PLXDC2: variants seen among roughly 807,000 people sequenced by gnomAD.
The protein encoded by PLXDC2 is plexin domain containing 2, also known as plexin domain-containing protein 2.
Under a neutral mutation model 68.9 loss-of-function variants are expected in PLXDC2, and 40 were observed. The observed-to-expected ratio is 0.58, with a 90% CI of 0.45 to 0.76. The LOEUF is 0.76. PLXDC2 is among the 30% of genes least tolerant of loss of function. The pLI is 0.00. For missense variants in PLXDC2, 644 were observed against 661.9 expected (o/e 0.97, Z 0.30); for synonymous variants, 243 against 234.2 (o/e 1.04, Z -0.34).
At chr10:20,080,181 C>T (rs1407871205) in intron 4 of PLXDC2, among the ~76,000 whole-genome samples, 4 of 152,030 alleles carry the variant, frequency 2.6e-5, no homozygotes, top group South Asian at 4.2e-4. Context: ...CTCATTCTAT[C>T]GAGAAAAAGC....
chr10:20,120,698 G>A (rs1222042655), intron 4 of PLXDC2, among the ~76,000 whole-genome samples: 8 of 152,238 alleles, frequency 5.3e-5, no homozygotes, highest in Middle Eastern at 3.4e-3. Flanking sequence ...CCTGGGTGGG[G>A]GCAAATCCTC....
At chr10:20,176,428 C>T (rs1403560911) in intron 7 of PLXDC2, among the ~76,000 whole-genome samples, 1 of 149,830 alleles carries the variant, frequency 6.7e-6, no homozygotes, top group Non-Finnish European at 1.5e-5. Flanking sequence ...GTCGTGAGAA[C>T]ACTTAAAAAT....
rs377720019 is a variant in PLXDC2, at chr10:20,083,363, G to C, written c.541+15124G>C. 9.9e-5 allele frequency among the ~76,000 whole-genome samples: 15 copies of C among 151,794 alleles called. No homozygotes were observed. In the East Asian group the frequency reaches 2.9e-3, roughly 30 times the overall value. On this transcript the variant is annotated intron_variant, in intron 4 of 13. Transcript: ENST00000377252. Reference sequence around the variant, plus strand: ...GAGGTGGCATGCGCCTGTAGTCCCAGCTACTCGGGAAGCTGAGGCAGGAGA... The same window carrying C: ...GAGGTGGCATGCGCCTGTAGTCCCACCTACTCGGGAAGCTGAGGCAGGAGA...
intron 1 of PLXDC2, among the ~76,000 whole-genome samples, chr10:19,912,161 G>T (rs1345681536): frequency 1.3e-5 from 2 of 152,190 alleles, no homozygotes; most frequent in Non-Finnish European, 2.9e-5. Context: ...TAGTCTGAGT[G>T]TACAGAGCTA....
intron 1 of PLXDC2, among the ~76,000 whole-genome samples, chr10:19,859,370 G>T (rs16919448): frequency 0.091 from 13,859 of 152,152 alleles, 678 homozygotes; most frequent in Non-Finnish European, 0.098. Flanking sequence ...GGCATTAAAT[G>T]CTTTACATCC....
chr10:20,224,691 A>G (rs1439574331), intron 12 of PLXDC2, among the ~76,000 whole-genome samples: 1 of 152,206 alleles, frequency 6.6e-6, no homozygotes, highest in Non-Finnish European at 1.5e-5. Flanking sequence ...CAGATGTTAA[A>G]ATTATTTCAA....
chr10:20,081,393 A>T (rs1311818253), intron 4 of PLXDC2, among the ~76,000 whole-genome samples: 2 of 147,298 alleles, frequency 1.4e-5, no homozygotes, highest in African/African-American at 5.0e-5. Context: ...GAAACTTCTA[A>T]TATTGAAATG....
intron 2 of PLXDC2, among the ~76,000 whole-genome samples, chr10:20,043,986 T>TA (rs1185469718): frequency 6.6e-6 from 1 of 152,116 alleles, no homozygotes. Context: ...GACCATAACC[T>TA]AATTCAAGGT....
At chr10:19,820,000 A>G (rs934428343) in intron 1 of PLXDC2, among the ~76,000 whole-genome samples, 1 of 152,220 alleles carries the variant, frequency 6.6e-6, no homozygotes, top group Non-Finnish European at 1.5e-5. Flanking sequence ...ACTTGAGGCT[A>G]CCTGCAAAAT....
intron 1 of PLXDC2, among the ~76,000 whole-genome samples, chr10:19,971,785 G>A (rs1834358288): frequency 1.3e-5 from 2 of 152,218 alleles, no homozygotes; most frequent in Middle Eastern, 3.4e-3. Flanking sequence ...ATAACAAGCT[G>A]GGATTATAAC....
intron 1 of PLXDC2, among the ~76,000 whole-genome samples, chr10:19,828,130 G>A (rs946104677): frequency 7.2e-5 from 11 of 152,124 alleles, no homozygotes; most frequent in South Asian, 2.1e-4. Flanking sequence ...TGATATTTTC[G>A]CAATGTGCCT....
intron 2 of PLXDC2, among the ~76,000 whole-genome samples, chr10:20,041,536 G>A (rs1404575723): frequency 1.3e-5 from 2 of 152,132 alleles, no homozygotes; most frequent in African/African-American, 4.8e-5. Flanking sequence ...GAGACATGAT[G>A]TGCAAATTCA....
At chr10:20,018,425 A>G (rs1589588943) in intron 2 of PLXDC2, among the ~76,000 whole-genome samples, 1 of 152,194 alleles carries the variant, frequency 6.6e-6, no homozygotes, top group South Asian at 2.1e-4. Flanking sequence ...TTTTGCTTCT[A>G]TTAAGAACAA....
chr10:19,956,006 G>A (rs1425164585), intron 1 of PLXDC2, among the ~76,000 whole-genome samples: 1 of 152,146 alleles, frequency 6.6e-6, no homozygotes, highest in Non-Finnish European at 1.5e-5. Context: ...TTGAATCCAA[G>A]AGGCTGAGAT....
intron 1 of PLXDC2, among the ~76,000 whole-genome samples, chr10:19,921,967 C>G (rs914606352): frequency 6.6e-6 from 1 of 152,170 alleles, no homozygotes; most frequent in South Asian, 2.1e-4. Flanking sequence ...AAGTGATTCT[C>G]CTGACTCAGC....
intron 1 of PLXDC2, among the ~76,000 whole-genome samples, chr10:19,818,960 A>C (rs1836410103): frequency 6.6e-6 from 1 of 151,576 alleles, no homozygotes; most frequent in Admixed American, 6.6e-5. Flanking sequence ...GGAAAAAAAA[A>C]TAAATGCCAG....
intron 4 of PLXDC2, among the ~76,000 whole-genome samples, chr10:20,134,597 G>GGAT (rs1225508900): frequency 6.6e-6 from 1 of 152,158 alleles, no homozygotes; most frequent in Non-Finnish European, 1.5e-5. Flanking sequence ...TGACAGGCAT[G>GGAT]GATCCTGGGT....
intron 9 of PLXDC2, among the ~76,000 whole-genome samples, chr10:20,208,245 T>C (rs191945366): frequency 8.2e-4 from 125 of 152,284 alleles, no homozygotes; most frequent in African/African-American, 2.7e-3. Flanking sequence ...AGACATTTAA[T>C]GGACTCACAA....
intron 2 of PLXDC2, among the ~76,000 whole-genome samples, chr10:20,040,808 T>C (rs1052735396): frequency 6.6e-6 from 1 of 152,182 alleles, no homozygotes; most frequent in Non-Finnish European, 1.5e-5. Context: ...AGGAAAATAA[T>C]GGGCTTTCAG....
Sources: gnomAD v4.1 joint callset for allele counts (sites outside exome capture counted in the v4.1 genomes callset) on GRCh38, gnomAD v4.1.1 for gene constraint, MANE v1.5 for transcripts, NCBI Gene and HGNC (gene_info 2026-07-23, HGNC 2026-07-21) for gene names.